DDX60L: variants seen among roughly 807,000 people sequenced by gnomAD.
The protein encoded by DDX60L is probable ATP-dependent RNA helicase DDX60-like.
In DDX60L, 191 loss-of-function variants were observed where a neutral mutation model predicts 211.6. The ratio of observed to expected loss-of-function variants is 0.90; its 90% CI spans 0.80 to 1.02. The LOEUF (loss-of-function observed/expected upper bound fraction) is 1.02, where lower values mean the gene tolerates loss of function less well. Ranked by LOEUF, DDX60L falls within the 50% of genes least tolerant of loss-of-function variation. The pLI, the probability that DDX60L is intolerant of heterozygous loss-of-function variation, is 0.00. For missense variants in DDX60L, 2,007 were observed against 1,984.1 expected, an observed-to-expected ratio of 1.01 and a Z score of -0.22; for synonymous variants, 706 against 694.1, an observed-to-expected ratio of 1.02 and a Z score of -0.27.
intron 27 of DDX60L, 106 bp from the exon 28 acceptor site, chr4:168,394,723 A>C (rs1745473763): frequency 9.6e-7 from 1 of 1,039,720 alleles, no homozygotes. Context: ...TACATCTTGC[A>C]CACAGTGAGG....
At chr4:168,467,102 A>G (rs1258189886) in intron 4 of DDX60L, among the ~76,000 whole-genome samples, 1 of 152,190 alleles carries the variant, frequency 6.6e-6, no homozygotes, top group Non-Finnish European at 1.5e-5. Context: ...TAATCTGAAA[A>G]TGAATGAAAA....
rs762455081 is a variant in DDX60L, at chr4:168,422,638, C to A, written c.2130G>T (p.Ser710=). 1 of 1,608,606 alleles carries A rather than the reference C, an allele frequency of 6.2e-7. No individual in the cohort carries two copies. The highest frequency in any genetic ancestry group is 8.5e-7 in the Non-Finnish European group (1 of 1,176,930). Residue 710 remains serine (S), a synonymous_variant, in exon 16 of 38, where the codon TCG becomes TCT. Coordinates refer to ENST00000682922, the MANE Select transcript of DDX60L (RefSeq NM_001012967.3). ...IGDDKNKKKY[S]IDIGPARFQL... ...GAAACCGAGCTGGTCCAATGTCAAT[C>A]GAATATTTCTTCTTATTTTTGTCAT... is the stretch of plus-strand genomic sequence containing the variant.
Position 168,379,452 on chromosome 4 carries a change from TATG to T in DDX60L, c.4271_4273del (p.Ser1424del). ...ATTTGAAGGTTCATGACCATGCAAA[TATG>T]ATGCAAGTCCTGCAAATTTCTTTGG... On this transcript the variant is annotated inframe_deletion, in exon 32 of 38. Coordinates refer to ENST00000682922, the MANE Select transcript of DDX60L (RefSeq NM_001012967.3). 1 of 1,598,146 alleles carries T rather than the reference TATG, an allele frequency of 6.3e-7. No homozygotes were observed. Among genetic ancestry groups the T allele is most frequent in the Non-Finnish European group, 8.5e-7 (1 of 1,175,612 alleles).
rs544441728 is a variant in DDX60L at position 168,451,788 on chromosome 4, A to G, written c.996+1336T>C. Among the ~76,000 whole-genome samples, 3 of 152,270 alleles carry G rather than the reference A, an allele frequency of 2.0e-5. No homozygotes were observed. In the East Asian group the frequency reaches 5.8e-4, roughly 29 times the overall value. On this transcript the variant is annotated intron_variant, in intron 8 of 37. Transcript: ENST00000682922. Reference sequence around the variant, plus strand: ...TTTCTCCTACCCCCTCCTCAGCTTCATCAGCTTTTCTCCTCTCTGGTCACA... The same window carrying G: ...TTTCTCCTACCCCCTCCTCAGCTTCGTCAGCTTTTCTCCTCTCTGGTCACA...
chr4:168,389,030 C>G (rs1259377352), intron 29 of DDX60L, among the ~76,000 whole-genome samples: 1 of 152,048 alleles, frequency 6.6e-6, no homozygotes, highest in South Asian at 2.1e-4. Context: ...TCATTGGGAC[C>G]CAGGCAGCAG....
intron 6 of DDX60L, among the ~76,000 whole-genome samples, chr4:168,456,658 G>A (rs187641690): frequency 1.2e-3 from 181 of 152,162 alleles, no homozygotes; most frequent in South Asian, 2.7e-3. Flanking sequence ...CGTCCATCAG[G>A]ATCATTAAAT....
intron 37 of DDX60L, among the ~76,000 whole-genome samples, chr4:168,358,504 T>TTTTTTC (rs1466691789): frequency 6.8e-6 from 1 of 148,120 alleles, no homozygotes; most frequent in Admixed American, 7.0e-5. Context: ...ACAGTTCTTC[T>TTTTTTC]TTTTTTCTTT....
At chr4:168,443,890 A>G (rs908492877) in intron 9 of DDX60L, among the ~76,000 whole-genome samples, 6 of 148,272 alleles carry the variant, frequency 4.0e-5, no homozygotes, top group Non-Finnish European at 5.9e-5. Flanking sequence ...CTAAACATGG[A>G]AAGGAACAAC....
intron 22 of DDX60L, 78 bp downstream of exon 22, chr4:168,415,330 T>G (rs914936160): frequency 5.8e-6 from 4 of 695,594 alleles, no homozygotes; most frequent in Middle Eastern, 4.1e-4. Context: ...GCTGCAGTTC[T>G]ATGAAGATTG....
chr4:168,449,356 A>G (rs1242918026), intron 8 of DDX60L, among the ~76,000 whole-genome samples: 1 of 148,922 alleles, frequency 6.7e-6, no homozygotes, highest in Non-Finnish European at 1.5e-5. Context: ...TCAGTAAACT[A>G]TCGCAAGATC....
At chr4:168,419,457 T>C (rs1288913060) in intron 18 of DDX60L, 60 bp from the exon 19 acceptor site, 3 of 1,258,510 alleles carry the variant, frequency 2.4e-6, no homozygotes, top group Non-Finnish European at 1.1e-6. Flanking sequence ...ATATCAGGCA[T>C]AGTAATAGGA....
chr4:168,436,749 C>T (rs2465251), intron 10 of DDX60L, among the ~76,000 whole-genome samples: 7 of 152,040 alleles, frequency 4.6e-5, no homozygotes, highest in Non-Finnish European at 1.0e-4. Flanking sequence ...TGTTCTGGCA[C>T]CCCTATGTTC....
intron 5 of DDX60L, 65 bp downstream of exon 5, chr4:168,461,634 G>C (rs1308908037): frequency 3.6e-6 from 4 of 1,116,726 alleles, no homozygotes; most frequent in Non-Finnish European, 5.0e-6. Flanking sequence ...AAAGAATATT[G>C]AGTTAGTGAT....
chr4:168,377,507 T>C (rs995934837), intron 33 of DDX60L, among the ~76,000 whole-genome samples: 7 of 152,112 alleles, frequency 4.6e-5, no homozygotes, highest in Non-Finnish European at 1.0e-4. Flanking sequence ...TATGGCTTCC[T>C]TAGTTTTGAA....
At chr4:168,362,449 T>C (rs1739269074) in intron 36 of DDX60L, among the ~76,000 whole-genome samples, 1 of 152,232 alleles carries the variant, frequency 6.6e-6, no homozygotes, top group Non-Finnish European at 1.5e-5. Flanking sequence ...GCTGGCTCAC[T>C]GCACCCACAG....
chr4:168,396,992 G>A (rs1745915598), intron 26 of DDX60L, among the ~76,000 whole-genome samples: 1 of 152,174 alleles, frequency 6.6e-6, no homozygotes, highest in Non-Finnish European at 1.5e-5. Context: ...TCTTTAGGAG[G>A]TGATTAAGTC....
At chr4:168,432,788 T>C (rs1206159431) in intron 11 of DDX60L, among the ~76,000 whole-genome samples, 1 of 151,142 alleles carries the variant, frequency 6.6e-6, no homozygotes, top group Non-Finnish European at 1.5e-5. Context: ...ATAGCTGGAG[T>C]AATTTTATTA....
chr4:168,428,040 C>T (rs1329081407), intron 13 of DDX60L, among the ~76,000 whole-genome samples: 2 of 152,242 alleles, frequency 1.3e-5, no homozygotes, highest in African/African-American at 2.4e-5. Context: ...CAGCCTTGGG[C>T]ACAGGGCTTG....
At chr4:168,401,978 C>T (rs536606073) in intron 25 of DDX60L, among the ~76,000 whole-genome samples, 41 of 152,064 alleles carry the variant, frequency 2.7e-4, no homozygotes, top group African/African-American at 9.9e-4. Flanking sequence ...TCTACCATGA[C>T]GTTATGAGGA....
Sources: gnomAD v4.1 joint callset for allele counts (sites outside exome capture counted in the v4.1 genomes callset) on GRCh38, gnomAD v4.1.1 for gene constraint, MANE v1.5 for transcripts, NCBI Gene and HGNC (gene_info 2026-07-23, HGNC 2026-07-21) for gene names.